KIAA0513: variants seen among roughly 807,000 people sequenced by gnomAD.
KIAA0513 encodes the protein KIAA0513.
Under a neutral mutation model 56.5 loss-of-function variants are expected in KIAA0513, and 39 were observed. That is an observed-to-expected ratio of 0.69 (90% CI 0.53 to 0.90). The LOEUF (loss-of-function observed/expected upper bound fraction) is 0.90, where lower values mean the gene tolerates loss of function less well. KIAA0513 is among the 40% of genes least tolerant of loss of function. The pLI, the probability that KIAA0513 is intolerant of heterozygous loss-of-function variation, is 0.00. For synonymous variants in KIAA0513, 268 were observed against 215.6 expected (o/e 1.24, Z -2.13); for missense variants, 591 against 535.2 (o/e 1.10, Z -1.03).
At chr16:85,056,256 C>A (rs76953197) in intron 1 of KIAA0513, among the ~76,000 whole-genome samples, 2,793 of 152,322 alleles carry the variant, frequency 0.018, 40 homozygotes, top group South Asian at 0.056. Flanking sequence ...AAGCCTCCCA[C>A]CCTTTGCTCC....
intron 1 of KIAA0513, among the ~76,000 whole-genome samples, chr16:85,035,522 G>T (rs948412045): frequency 2.0e-5 from 3 of 152,140 alleles, no homozygotes; most frequent in African/African-American, 7.2e-5. Context: ...ATGAGATCTT[G>T]CTCAGTCGTC....
chr16:85,068,707 TC>T (rs1490786928), intron 2 of KIAA0513, among the ~76,000 whole-genome samples: 3 of 152,162 alleles, frequency 2.0e-5, no homozygotes, highest in Non-Finnish European at 4.4e-5. Context: ...CTTCAGGTGA[TC>T]CGCCTGCCTC....
At chr16:85,079,235 CT>C in intron 8 of KIAA0513, 2 of 818,272 alleles carry the variant, frequency 2.4e-6, no homozygotes, top group Non-Finnish European at 3.6e-6. Context: ...GAGAAACAGT[CT>C]GGCAGTTCCT....
Position 85,088,491 on chromosome 16 carries a change from A to C in KIAA0513, c.*166A>C. 1.6e-6 allele frequency: 1 copy of C among 610,642 alleles called. No individual in the cohort carries two copies. The highest frequency in any genetic ancestry group is 2.9e-6 in the Non-Finnish European group (1 of 340,736). 37.8% of individuals were successfully genotyped at this position (610,642 alleles called of 1,614,324 possible). ...TAGAAGAATCCGCTGTTCCTCCCTC[A>C]TCTCCTCTGCCTGTGTCTGCGACCC... On this transcript the variant is annotated 3_prime_UTR_variant, in exon 13 of 13. Transcript: ENST00000683363.
chr16:85,054,352 A>T (rs1041781393), intron 1 of KIAA0513, among the ~76,000 whole-genome samples: 1 of 152,072 alleles, frequency 6.6e-6, no homozygotes, highest in African/African-American at 2.4e-5. Context: ...CTTCACATTC[A>T]AAGACCCATA....
chr16:85,082,737 G>A, intron 10 of KIAA0513, 144 bp downstream of exon 10: 1 of 816,128 alleles, frequency 1.2e-6, no homozygotes, highest in East Asian at 2.7e-5. Flanking sequence ...GGCGGGGAGG[G>A]CGGCCCTGGG....
rs145733247 is a variant in KIAA0513 at position 85,088,513 on chromosome 16, AC to A, written c.*193del. On this transcript the variant is annotated 3_prime_UTR_variant, in exon 13 of 13. Coordinates refer to ENST00000683363, the MANE Select transcript of KIAA0513 (RefSeq NM_001388359.1). ...CTCATCTCCTCTGCCTGTGTCTGCG[AC>A]CCCCATCCATGTGCCAAAGTGTCCC... The A allele has an allele frequency of 0.018, 10,558 of 578,380 alleles. 535 individuals are homozygous for A. The highest frequency in any genetic ancestry group is 0.13 in the African/African-American group (7,054 of 53,444). The allele number at this position is 578,380 out of a possible 1,614,324, so 35.8% of individuals were successfully genotyped here. A position where few individuals can be genotyped will look rare whatever the true frequency, so the allele number is the denominator to read the frequency against.
chr16:85,087,655 C>T (rs1390322325), intron 12 of KIAA0513, among the ~76,000 whole-genome samples: 3 of 152,334 alleles, frequency 2.0e-5, no homozygotes, highest in East Asian at 3.9e-4. Flanking sequence ...CATTGGCGCC[C>T]CCCTTGCTGG....
intron 2 of KIAA0513, among the ~76,000 whole-genome samples, chr16:85,069,780 G>A (rs1358320332): frequency 6.6e-6 from 1 of 152,058 alleles, no homozygotes; most frequent in African/African-American, 2.4e-5. Flanking sequence ...GAGTGAGAAC[G>A]TGCCCTTTAA....
At chr16:85,032,149 T>C (rs1013585048) in intron 1 of KIAA0513, among the ~76,000 whole-genome samples, 1 of 152,204 alleles carries the variant, frequency 6.6e-6, no homozygotes, top group Admixed American at 6.5e-5. Flanking sequence ...CAGCTTCTAC[T>C]GGTGGCCGGT....
chr16:85,050,372 C>T (rs149707287), intron 1 of KIAA0513, among the ~76,000 whole-genome samples: 4,902 of 146,428 alleles, frequency 0.033, 124 homozygotes, highest in Middle Eastern at 0.056. Context: ...TTTTTTGAGA[C>T]GGACTCTTGT....
At chr16:85,083,837 G>T (rs2073776177) in intron 10 of KIAA0513, among the ~76,000 whole-genome samples, 2 of 152,214 alleles carry the variant, frequency 1.3e-5, no homozygotes, top group Admixed American at 1.3e-4. Context: ...GCAACCTCAT[G>T]CTTCCAACAT....
chr16:85,056,293 C>T (rs1597611917), intron 1 of KIAA0513, among the ~76,000 whole-genome samples: 1 of 152,346 alleles, frequency 6.6e-6, no homozygotes, highest in South Asian at 2.1e-4. Flanking sequence ...GTTAGAAAAG[C>T]CCGCCTTTCC....
At chr16:85,030,981 T>C (rs1220870572) in intron 1 of KIAA0513, among the ~76,000 whole-genome samples, 1 of 152,160 alleles carries the variant, frequency 6.6e-6, no homozygotes, top group Non-Finnish European at 1.5e-5. Flanking sequence ...AGTTCCAATC[T>C]ACTCCATGCT....
chr16:85,058,157 A>G (rs184715684), intron 1 of KIAA0513, among the ~76,000 whole-genome samples: 43 of 152,300 alleles, frequency 2.8e-4, no homozygotes, highest in Admixed American at 7.8e-4. Flanking sequence ...TCAGGCATGA[A>G]TGGTCTGTGG....
intron 2 of KIAA0513, 44 bp from the exon 3 acceptor site, chr16:85,071,739 A>AC (rs2073577169): frequency 9.6e-6 from 13 of 1,359,138 alleles, no homozygotes; most frequent in African/African-American, 1.7e-5. Flanking sequence ...GGGATTGAAA[A>AC]GGGTTTTTTT....
In KIAA0513 at chr16:85,067,040, C is replaced by T; in HGVS notation, c.-32C>T. On this transcript the variant is annotated 5_prime_UTR_variant, in exon 2 of 13. Transcript: ENST00000683363. ...GGCTCCCCTCTAGGCAGCCTCCCCT[C>T]CAGGCAGCCTCACCAGCAGCTCCCC... 2 of 1,513,362 alleles carry T rather than the reference C, an allele frequency of 1.3e-6. No homozygotes were observed. The highest frequency in any genetic ancestry group is 1.8e-6 in the Non-Finnish European group (2 of 1,132,002). 93.7% of individuals were successfully genotyped at this position (1,513,362 alleles called of 1,614,324 possible). A position where few individuals can be genotyped will look rare whatever the true frequency, so the allele number is the denominator to read the frequency against.
chr16:85,077,503 G>A lies in KIAA0513; in HGVS notation c.653G>A (p.Ser218Asn). The change falls in exon 6 of 13, where the codon AGC (serine) becomes AAC (asparagine). Residue 218 changes from serine to asparagine, a missense_variant. Physicochemically the swap from Ser to Asn is conservative, Grantham distance 46. Transcript: ENST00000683363. Reference sequence around the variant, plus strand: ...GACTCCTACCTGAAATCCGCAAACAGCTGGCTGGCCGAAAAGAAGGACATC... The same window carrying A: ...GACTCCTACCTGAAATCCGCAAACAACTGGCTGGCCGAAAAGAAGGACATC... ...SIDSYLKSANSWLAEKKDIAE... is the reference protein window; with the variant it reads ...SIDSYLKSANNWLAEKKDIAE... 6.2e-7 allele frequency: 1 copy of A among 1,614,190 alleles called. No homozygotes were observed. Among genetic ancestry groups the A allele is most frequent in the Non-Finnish European group, 8.5e-7 (1 of 1,180,028 alleles).
At chr16:85,053,191 G>A (rs868367241) in intron 1 of KIAA0513, among the ~76,000 whole-genome samples, 2 of 152,064 alleles carry the variant, frequency 1.3e-5, no homozygotes, top group Non-Finnish European at 2.9e-5. Flanking sequence ...GCCCGACCTG[G>A]ATCAAATTTT....
Sources: gnomAD v4.1 joint callset for allele counts (sites outside exome capture counted in the v4.1 genomes callset) on GRCh38, gnomAD v4.1.1 for gene constraint, MANE v1.5 for transcripts, NCBI Gene and HGNC (gene_info 2026-07-23, HGNC 2026-07-21) for gene names.